Variants in ARHGAP35 observed in about 807,000 individuals in gnomAD.
The protein encoded by ARHGAP35 is Rho GTPase activating protein 35, also known as rho GTPase-activating protein 35.
In ARHGAP35, 15 loss-of-function variants were observed where a neutral mutation model predicts 111.1. That is an observed-to-expected ratio of 0.13 (90% confidence interval 0.09 to 0.21). The LOEUF (loss-of-function observed/expected upper bound fraction) is 0.21, where lower values mean the gene tolerates loss of function less well. Ranked by LOEUF, ARHGAP35 falls within the 10% of genes least tolerant of loss-of-function variation. ARHGAP35 has a pLI of 1.00. For missense variants in ARHGAP35, 1,262 were observed against 1,873.0 expected, an observed-to-expected ratio of 0.67 and a Z score of 6.02; for synonymous variants, 643 against 710.3, an observed-to-expected ratio of 0.91 and a Z score of 1.51.
intron 2 of ARHGAP35, among the ~76,000 whole-genome samples, chr19:46,933,451 G>A (rs953302527): frequency 2.0e-5 from 3 of 151,988 alleles, no homozygotes; most frequent in African/African-American, 7.2e-5. Flanking sequence ...CCCAGCTAGT[G>A]TGCTTTTATT....
intron 1 of ARHGAP35, among the ~76,000 whole-genome samples, chr19:46,898,887 G>A (rs1233959902): frequency 6.6e-6 from 1 of 152,126 alleles, no homozygotes; most frequent in African/African-American, 2.4e-5. Flanking sequence ...CCTGCGGTGT[G>A]TGTAGTTGCC....
In ARHGAP35 at chr19:46,918,664, G is replaced by A. The variant is rs184504851; in HGVS notation, c.-12G>A. Reference sequence around the variant, plus strand: ...TCTCAGAAGTGGCTGATCGTGGCAGGATGTGTCGACGATGATGATGGCAAG... The same window carrying A: ...TCTCAGAAGTGGCTGATCGTGGCAGAATGTGTCGACGATGATGATGGCAAG... On this transcript the variant is annotated 5_prime_UTR_variant, in exon 2 of 7. Transcript: ENST00000672722. The surrounding 1 kb of genome is among the most constrained non-coding windows in gnomAD (Gnocchi z 5.4). 43 of 1,607,398 alleles carry A rather than the reference G, an allele frequency of 2.7e-5. 1 individual carries two copies. The highest frequency in any genetic ancestry group is 1.7e-6 in the Non-Finnish European group (2 of 1,175,640).
intron 3 of ARHGAP35, among the ~76,000 whole-genome samples, chr19:46,959,901 C>T (rs1485493697): frequency 1.3e-5 from 2 of 151,476 alleles, no homozygotes; most frequent in Non-Finnish European, 2.9e-5. Context: ...AGTTCGAGAC[C>T]AGCCTGGGCA....
intron 3 of ARHGAP35, among the ~76,000 whole-genome samples, chr19:46,960,005 G>A (rs1355154986): frequency 6.7e-6 from 1 of 150,150 alleles, no homozygotes; most frequent in African/African-American, 2.5e-5. Flanking sequence ...AGCTACTCAG[G>A]AGGCTAAGGT....
At chr19:46,903,799 T>C (rs966702945) in intron 1 of ARHGAP35, among the ~76,000 whole-genome samples, 3 of 152,256 alleles carry the variant, frequency 2.0e-5, no homozygotes, top group Non-Finnish European at 2.9e-5. Context: ...GCTAGCACTT[T>C]ATAGAAAATG....
At chr19:46,889,871 G>C (rs1357814068) in intron 1 of ARHGAP35, among the ~76,000 whole-genome samples, 1 of 152,058 alleles carries the variant, frequency 6.6e-6, no homozygotes, top group Non-Finnish European at 1.5e-5. Flanking sequence ...TAAATGGTTA[G>C]TGTTTTGGGT....
chr19:46,874,133 T>G (rs1012193373), intron 1 of ARHGAP35, among the ~76,000 whole-genome samples: 1 of 152,200 alleles, frequency 6.6e-6, no homozygotes, highest in African/African-American at 2.4e-5. Flanking sequence ...AGCAAAAGTT[T>G]GTTAAGCAGA....
rs2056671100 is a variant in ARHGAP35, at chr19:46,989,949, C to T, written c.4036+274C>T. 6.6e-6 allele frequency among the ~76,000 whole-genome samples: 1 copy of T among 152,208 alleles called. No homozygotes were observed. Among genetic ancestry groups the T allele is most frequent in the Non-Finnish European group, 1.5e-5 (1 of 68,038 alleles). On this transcript the variant is annotated intron_variant, in intron 5 of 6. Transcript: ENST00000672722. This position sits in a 1 kb window ranked among gnomAD's most constrained non-coding sequence, Gnocchi z 5.3. ...AGCATGGTTTCGGTGTCAGACTTGG[C>T]TCCTTCGCTTGTGGCCGACTTAACC...
At chr19:46,864,686 CAG>C (rs1330464803) in intron 1 of ARHGAP35, among the ~76,000 whole-genome samples, 1 of 152,190 alleles carries the variant, frequency 6.6e-6, no homozygotes, top group Admixed American at 6.5e-5. Flanking sequence ...AATTTTCTGA[CAG>C]AATCTGGTAA....
chr19:46,921,991 T>G lies in ARHGAP35; in HGVS notation c.3316T>G (p.Ser1106Ala). 1 of 1,613,930 alleles carries G rather than the reference T, an allele frequency of 6.2e-7. No individual in the cohort carries two copies. Among genetic ancestry groups the G allele is most frequent in the Non-Finnish European group, 8.5e-7 (1 of 1,179,878 alleles). ...AAGGAATGAAGAAGAAAACATATAC[T>G]CCGTGCCCCATGACAGCACCCAAGG... The part of the protein sequence containing the change: ...KPRNEEENIY[S>A]VPHDSTQGKI... The change falls in exon 2 of 7, where the codon TCC (serine) becomes GCC (alanine). Residue 1106 changes from serine to alanine, a missense_variant. Ser to Ala is a moderately conservative substitution (Grantham distance 99). Transcript: ENST00000672722. The surrounding 1 kb of genome is among the most constrained non-coding windows in gnomAD (Gnocchi z 4.3).
chr19:46,933,153 T>TTTTTTTTC (rs2056282857), intron 2 of ARHGAP35, among the ~76,000 whole-genome samples: 2 of 146,798 alleles, frequency 1.4e-5, no homozygotes, highest in Admixed American at 1.4e-4. Context: ...TTTTTTTTTT[T>TTTTTTTTC]TTTTTTCCGA....
intron 1 of ARHGAP35, among the ~76,000 whole-genome samples, chr19:46,881,030 C>A (rs543064273): frequency 4.0e-5 from 6 of 151,358 alleles, no homozygotes; most frequent in Non-Finnish European, 7.4e-5. Flanking sequence ...CCACAATCTC[C>A]GCCTCCTGGG....
intron 1 of ARHGAP35, among the ~76,000 whole-genome samples, chr19:46,899,605 C>T (rs568560502): frequency 3.2e-4 from 48 of 151,502 alleles, no homozygotes; most frequent in African/African-American, 1.1e-3. Flanking sequence ...GTAACTGCAG[C>T]GGGAGGATCG....
At chr19:46,997,093 G>A (rs7248133) in intron 5 of ARHGAP35, among the ~76,000 whole-genome samples, 2 of 151,898 alleles carry the variant, frequency 1.3e-5, no homozygotes, top group Admixed American at 6.6e-5. Context: ...GGAGGCAGAG[G>A]TTGCAGTGAG....
chr19:46,962,857 G>T (rs189024211), intron 3 of ARHGAP35, among the ~76,000 whole-genome samples: 1 of 152,098 alleles, frequency 6.6e-6, no homozygotes, highest in East Asian at 1.9e-4. Context: ...CAGGTGATCC[G>T]CCCGCACTTG....
intron 3 of ARHGAP35, among the ~76,000 whole-genome samples, chr19:46,965,354 G>A (rs1409436023): frequency 1.3e-5 from 2 of 152,140 alleles, no homozygotes; most frequent in Admixed American, 6.5e-5. Context: ...TTGTTTTACT[G>A]ATTTTACTTT....
intron 1 of ARHGAP35, among the ~76,000 whole-genome samples, chr19:46,882,163 T>C (rs2055965806): frequency 6.6e-6 from 1 of 151,926 alleles, no homozygotes; most frequent in Non-Finnish European, 1.5e-5. Context: ...AGACAAGGTT[T>C]CGCTCTGTCA....
At position 46,905,504 on chromosome 19, in the gene ARHGAP35, T is replaced by C. The variant is rs141444459; in HGVS notation, c.-188-12984T>C. Among the ~76,000 whole-genome samples, 637 of 149,502 alleles carry C rather than the reference T, an allele frequency of 4.3e-3. 3 individuals are homozygous for C. Among genetic ancestry groups the C allele is most frequent in the African/African-American group, 0.015 (615 of 40,340 alleles). ...GACTCTCCTGCCTCAGCCTCCCGAG[T>C]AGTTGGGACTACAGGCGCCTGCCAC... On this transcript the variant is annotated intron_variant, in intron 1 of 6. Coordinates refer to ENST00000672722, the MANE Select transcript of ARHGAP35 (RefSeq NM_004491.5).
chr19:46,870,015 C>A (rs557998898), intron 1 of ARHGAP35, among the ~76,000 whole-genome samples: 2 of 148,014 alleles, frequency 1.4e-5, no homozygotes, highest in African/African-American at 5.0e-5. Context: ...GGCGCCATCT[C>A]GACTCACTGC....
Sources: allele counts gnomAD v4.1 joint callset (sites outside exome capture counted in the v4.1 genomes callset), GRCh38; gene constraint gnomAD v4.1.1; non-coding constraint Gnocchi (gnomAD v3.1); transcripts MANE v1.5; gene names NCBI Gene and HGNC (gene_info 2026-07-23, HGNC 2026-07-21).